The following AIRIM variants were observed in gnomAD, a reference collection of about 807,000 sequenced individuals.
AIRIM encodes the protein AFG2-interacting ribosome maturation factor.
chr1:37,689,724 G>C, the AIRIM span: 1 of 1,613,974 alleles, frequency 6.2e-7, no homozygotes, highest in South Asian at 1.1e-5. Flanking sequence ...CGCAGGTTCT[G>C]TGCGGCCTGC....
chr1:37,683,336 T>G, the AIRIM span: 1 of 1,614,042 alleles, frequency 6.2e-7, no homozygotes, highest in East Asian at 2.2e-5. Flanking sequence ...AAGATCTTGG[T>G]GTTCGTCTTT....
the AIRIM span, chr1:37,690,428 C>T: frequency 1.6e-6 from 2 of 1,265,310 alleles, no homozygotes; most frequent in East Asian, 5.6e-5. Context: ...CCGAGGCTGC[C>T]GGTCGCCTTC....
At chr1:37,692,145 G>C in the AIRIM span, 2 of 158,852 alleles carry the variant, frequency 1.3e-5, no homozygotes, top group African/African-American at 2.4e-5. Context: ...AGCCAGGCCA[G>C]AAAGAAGCAG....
the AIRIM span, chr1:37,683,534 G>A: frequency 7.1e-7 from 1 of 1,401,702 alleles, no homozygotes; most frequent in Non-Finnish European, 9.7e-7. Context: ...AAAAGTGAAA[G>A]TGCAGATATC....
chr1:37,691,297 C>G, the AIRIM span: 7 of 152,248 alleles, frequency 4.6e-5, no homozygotes, highest in Non-Finnish European at 1.5e-5. Context: ...CTGCTTGGCA[C>G]CTTTGCTTAT....
chr1:37,687,110 G>GTGTGTA, the AIRIM span, among the ~76,000 whole-genome samples: 6 of 139,602 alleles, frequency 4.3e-5, no homozygotes, highest in African/African-American at 1.0e-4. Context: ...GTGTGTGTGT[G>GTGTGTA]TATAGTTTTT....
At chr1:37,689,653 C>G in the AIRIM span, 25 of 1,613,560 alleles carry the variant, frequency 1.5e-5, no homozygotes, top group Non-Finnish European at 1.9e-5. Context: ...CCACCAGCTG[C>G]TTACGCCTCA....
the AIRIM span, chr1:37,683,511 C>G: frequency 6.5e-7 from 1 of 1,527,394 alleles, no homozygotes; most frequent in South Asian, 1.2e-5. Context: ...TGGTGAGAAC[C>G]AGAGGGAGCC....
chr1:37,688,561 T>G, the AIRIM span, among the ~76,000 whole-genome samples: 12 of 152,230 alleles, frequency 7.9e-5, no homozygotes, highest in African/African-American at 2.9e-4. Flanking sequence ...TCTGGTTCAT[T>G]TTTATATTCT....
At chr1:37,683,021 AAT>A in the AIRIM span, 3 of 1,273,432 alleles carry the variant, frequency 2.4e-6, no homozygotes, top group South Asian at 3.7e-5. Flanking sequence ...TGATGTTTCA[AAT>A]ATGTCAGACT....
chr1:37,689,503 C>A, the AIRIM span: 1 of 1,347,574 alleles, frequency 7.4e-7, no homozygotes, highest in Non-Finnish European at 1.0e-6. Context: ...CCACATGCCA[C>A]GCTTTCAAGG....
the AIRIM span, among the ~76,000 whole-genome samples, chr1:37,685,587 C>T: frequency 6.6e-6 from 1 of 151,874 alleles, no homozygotes; most frequent in Non-Finnish European, 1.5e-5. Flanking sequence ...GGCGTTTCAC[C>T]ATGTTGCCCA....
the AIRIM span, among the ~76,000 whole-genome samples, chr1:37,688,855 A>C: frequency 6.6e-6 from 1 of 151,552 alleles, no homozygotes; most frequent in Non-Finnish European, 1.5e-5. Context: ...TGTCCCAGGT[A>C]CTTGGGGGGC....
At chr1:37,689,864 G>A in the AIRIM span, 2 of 1,570,420 alleles carry the variant, frequency 1.3e-6, no homozygotes, top group South Asian at 2.3e-5. Flanking sequence ...GGCAAGCAGA[G>A]GCCGGTCTTG....
the AIRIM span, chr1:37,683,363 G>A: frequency 1.9e-6 from 3 of 1,614,044 alleles, no homozygotes; most frequent in South Asian, 2.2e-5. Flanking sequence ...TCGGTCCCAG[G>A]CCTTGGGCAA....
At chr1:37,685,555 T>G in the AIRIM span, among the ~76,000 whole-genome samples, 1 of 151,846 alleles carries the variant, frequency 6.6e-6, no homozygotes, top group African/African-American at 2.4e-5. Context: ...GCCTGGCTAA[T>G]TTTTGTATTT....
the AIRIM span, among the ~76,000 whole-genome samples, chr1:37,684,433 A>T: frequency 6.6e-6 from 1 of 152,148 alleles, no homozygotes; most frequent in Non-Finnish European, 1.5e-5. Flanking sequence ...AGCCTAGCCA[A>T]CATGGTGAAA....
At chr1:37,685,195 G>C in the AIRIM span, among the ~76,000 whole-genome samples, 559 of 128,432 alleles carry the variant, frequency 4.4e-3, 16 homozygotes, top group African/African-American at 0.015. Flanking sequence ...TTTTTTTTGG[G>C]GGGGGGGGGT....
chr1:37,681,610 T>C, the AIRIM span: 1 of 152,230 alleles, frequency 6.6e-6, no homozygotes, highest in African/African-American at 2.4e-5. Context: ...ATGATAGATG[T>C]TTTTTAATTC....
Sources: gnomAD v4.1 joint callset for allele counts (sites outside exome capture counted in the v4.1 genomes callset) on GRCh38, gnomAD v4.1.1 for gene constraint, MANE v1.5 for transcripts, NCBI Gene and HGNC (gene_info 2026-07-23, HGNC 2026-07-21) for gene names.